Variants in PCDHA7 observed in about 807,000 individuals in gnomAD.
The protein encoded by PCDHA7 is protocadherin alpha 7, also known as protocadherin alpha-7.
A neutral mutation model predicts 57.2 loss-of-function variants in PCDHA7; 37 were observed. That is an observed-to-expected ratio of 0.65 (90% CI 0.50 to 0.85). PCDHA7 has a LOEUF of 0.85. PCDHA7 is among the 40% of genes least tolerant of loss of function. The pLI is 0.00. For synonymous variants in PCDHA7, 553 were observed against 558.8 expected (o/e 0.99, Z 0.15); for missense variants, 1,188 against 1,241.8 (o/e 0.96, Z 0.65).
intron 1 of PCDHA7, among the ~76,000 whole-genome samples, chr5:140,886,844 A>C (rs11748231): frequency 2.0e-5 from 3 of 150,634 alleles, no homozygotes; most frequent in African/African-American, 7.3e-5. Flanking sequence ...AAAAAAAAAA[A>C]AAAGAAAGGT....
At chr5:140,973,665 T>C (rs1309458037) in intron 1 of PCDHA7, among the ~76,000 whole-genome samples, 2 of 152,248 alleles carry the variant, frequency 1.3e-5, no homozygotes, top group Non-Finnish European at 2.9e-5. Context: ...CTATTTATTG[T>C]AGCTTGAATG....
In PCDHA7 at chr5:140,834,579, G is replaced by A; in HGVS notation, c.196G>A (p.Ala66Thr). The A allele has an allele frequency of 6.2e-7, 1 of 1,614,068 alleles. No individual in the cohort carries two copies. Among genetic ancestry groups the A allele is most frequent in the African/African-American group, 1.3e-5 (1 of 75,060 alleles). Residue 66 changes from alanine to threonine, a missense_variant, in exon 1 of 4, where the codon GCG (alanine) becomes ACG (threonine). Ala to Thr is a moderately conservative substitution (Grantham distance 58). Coordinates refer to ENST00000525929, the MANE Select transcript of PCDHA7 (RefSeq NM_018910.3). Reference protein sequence around the residue: ...LAELVPRLFRAVCKFRGDLLE... With the variant: ...LAELVPRLFRTVCKFRGDLLE... ...GGAGCTGGTGCCGCGCCTGTTCCGG[G>A]CGGTGTGCAAATTCCGTGGGGATCT...
intron 1 of PCDHA7, chr5:140,863,222 A>C: frequency 9.0e-7 from 1 of 1,110,392 alleles, no homozygotes; most frequent in Non-Finnish European, 1.3e-6. Flanking sequence ...CAAGCGAGGA[A>C]GGTCCCATCG....
intron 1 of PCDHA7, among the ~76,000 whole-genome samples, chr5:140,942,639 G>C (rs923095335): frequency 1.3e-5 from 2 of 151,806 alleles, no homozygotes; most frequent in African/African-American, 2.4e-5. Flanking sequence ...AATGGCAAAA[G>C]AGATCTCATT....
chr5:140,921,406 C>T (rs1436249655), intron 1 of PCDHA7, among the ~76,000 whole-genome samples: 8 of 152,092 alleles, frequency 5.3e-5, no homozygotes, highest in African/African-American at 1.9e-4. Flanking sequence ...CTAGATTTTC[C>T]TCTGTGCTGC....
rs1274541359 is a variant in PCDHA7 at position 140,852,032 on chromosome 5, G to C, written c.2355+15294G>C. 7.5e-6 allele frequency: 7 copies of C among 936,644 alleles called. No homozygotes were observed. The African/African-American group carries it at 1.1e-4, about 14-fold the overall frequency. 58.0% of individuals were successfully genotyped at this position (936,644 alleles called of 1,614,324 possible). On this transcript the variant is annotated intron_variant, in intron 1 of 3. Transcript: ENST00000525929. ...TATAGTTTTAAAAACTTCGCTTATT[G>C]AGTTTTTGTTATGTGGTTTATATTT... is the stretch of plus-strand genomic sequence containing the variant.
intron 1 of PCDHA7, chr5:140,843,060 T>C: frequency 1.3e-6 from 2 of 1,595,188 alleles, no homozygotes; most frequent in Non-Finnish European, 1.7e-6. Context: ...GCGAGCAAGC[T>C]GGTGCCGCGG....
intron 3 of PCDHA7, among the ~76,000 whole-genome samples, chr5:141,000,251 G>C (rs2097898188): frequency 6.6e-6 from 1 of 151,264 alleles, no homozygotes; most frequent in Non-Finnish European, 1.5e-5. Context: ...GCTGACACCT[G>C]TGATCCTAGC....
chr5:140,982,362 A>ATTCTGCTC, intron 2 of PCDHA7, 113 bp from the exon 3 acceptor site: 1 of 1,531,968 alleles, frequency 6.5e-7, no homozygotes, highest in Non-Finnish European at 8.8e-7. Context: ...GCATGAGCAG[A>ATTCTGCTC]ATGTGTTAGC....
At chr5:140,995,571 T>A (rs2097689586) in intron 3 of PCDHA7, among the ~76,000 whole-genome samples, 1 of 152,252 alleles carries the variant, frequency 6.6e-6, no homozygotes, top group Admixed American at 6.5e-5. Flanking sequence ...TATGTCAAGA[T>A]GAGCTATGAG....
intron 1 of PCDHA7, among the ~76,000 whole-genome samples, chr5:140,936,711 A>G (rs2091105126): frequency 6.6e-6 from 1 of 152,212 alleles, no homozygotes; most frequent in African/African-American, 2.4e-5. Flanking sequence ...TCTTGTGCCA[A>G]TACATTCTGT....
intron 1 of PCDHA7, among the ~76,000 whole-genome samples, chr5:140,944,956 A>T (rs2093715486): frequency 6.6e-6 from 1 of 152,140 alleles, no homozygotes; most frequent in Non-Finnish European, 1.5e-5. Context: ...GAATAAGAGT[A>T]TTATCTTAAC....
intron 1 of PCDHA7, chr5:140,928,999 G>C: frequency 1.2e-6 from 2 of 1,613,936 alleles, no homozygotes; most frequent in Non-Finnish European, 1.7e-6. Context: ...ACTTTTCTTC[G>C]TGTGTACCAA....
chr5:140,916,322 C>T (rs2077526281), intron 1 of PCDHA7, among the ~76,000 whole-genome samples: 1 of 152,066 alleles, frequency 6.6e-6, no homozygotes, highest in Non-Finnish European at 1.5e-5. Context: ...GACAAAGTCC[C>T]CTTTACTTTT....
chr5:140,981,443 G>A lies in PCDHA7; in HGVS notation c.2415-1032G>A, dbSNP rs530782878. ...ACAAAAATGAGCCAGGCATGGTGGC[G>A]GGTGCCTGTAGTCCCAGCTACTTGG... On this transcript the variant is annotated intron_variant, in intron 2 of 3. Transcript: ENST00000525929. Among the ~76,000 whole-genome samples, 6 of 152,126 alleles carry A rather than the reference G, an allele frequency of 3.9e-5. No homozygotes were observed. The Middle Eastern group carries it at 0.01, about 259-fold the overall frequency.
At chr5:140,849,211 C>A in intron 1 of PCDHA7, 1 of 1,031,972 alleles carries the variant, frequency 9.7e-7, no homozygotes, top group East Asian at 2.6e-5. Context: ...AATGACAATG[C>A]CCCAGTGTTC....
intron 1 of PCDHA7, among the ~76,000 whole-genome samples, chr5:140,964,075 AT>A (rs1277799626): frequency 9.2e-5 from 14 of 152,324 alleles, no homozygotes; most frequent in African/African-American, 3.1e-4. Flanking sequence ...TAGTGTTAAT[AT>A]TTGTAGAAAG....
At chr5:140,980,160 T>C (rs1408251279) in intron 2 of PCDHA7, among the ~76,000 whole-genome samples, 1 of 152,140 alleles carries the variant, frequency 6.6e-6, no homozygotes, top group East Asian at 1.9e-4. Context: ...TACCAGAATA[T>C]TAGGTATCAG....
Position 140,853,252 on chromosome 5 carries a change from C to T in PCDHA7, c.2355+16514C>T. 3 of 974,906 alleles carry T rather than the reference C, an allele frequency of 3.1e-6. 1 individual carries two copies. 60.4% of individuals were successfully genotyped at this position (974,906 alleles called of 1,614,324 possible). On this transcript the variant is annotated intron_variant, in intron 1 of 3. Transcript: ENST00000525929. ...TTAGTCCTTCATATTAATCTCTATT[C>T]TCTCTCAGAGTACAAGCTCTCATCA...
Sources: gnomAD v4.1 joint callset for allele counts (sites outside exome capture counted in the v4.1 genomes callset) on GRCh38, gnomAD v4.1.1 for gene constraint, MANE v1.5 for transcripts, NCBI Gene and HGNC (gene_info 2026-07-23, HGNC 2026-07-21) for gene names.